DCC: variants seen among roughly 807,000 people sequenced by gnomAD.
DCC encodes the protein DCC netrin 1 receptor, also known as netrin receptor DCC.
Under a neutral mutation model 172.5 loss-of-function variants are expected in DCC, and 58 were observed. That is an observed-to-expected ratio of 0.34 (90% CI 0.27 to 0.42). The LOEUF (loss-of-function observed/expected upper bound fraction) is 0.42. Among genes scored for constraint, DCC ranks in the 10% least tolerant of loss-of-function variants. DCC has a pLI of 1.00. For missense variants in DCC, 1,740 were observed against 1,791.0 expected (o/e 0.97, Z 0.51); for synonymous variants, 709 against 644.5 (o/e 1.10, Z -1.52).
At chr18:53,327,906 T>A (rs535918078) in intron 14 of DCC, among the ~76,000 whole-genome samples, 2 of 152,304 alleles carry the variant, frequency 1.3e-5, no homozygotes, top group Admixed American at 6.5e-5. Flanking sequence ...TATGCTATGA[T>A]TTATGATAAT....
rs564832844 is a variant in DCC at position 53,457,182 on chromosome 18, G to A, written c.3393-2050G>A. ...GCAGAAAAATGCCTGTTCATTTTAT[G>A]AGGAACTACAATTTCTTCCCCAGTG... On this transcript the variant is annotated intron_variant, in intron 23 of 28. Coordinates refer to ENST00000442544, the MANE Select transcript of DCC (RefSeq NM_005215.4). Among the ~76,000 whole-genome samples, 136 of 152,302 alleles carry A rather than the reference G, an allele frequency of 8.9e-4. 1 individual carries two copies. The highest frequency in any genetic ancestry group is 6.8e-3 in the Middle Eastern group (2 of 294).
intron 1 of DCC, among the ~76,000 whole-genome samples, chr18:52,580,997 A>G (rs1161789242): frequency 6.6e-6 from 1 of 152,204 alleles, no homozygotes; most frequent in African/African-American, 2.4e-5. Flanking sequence ...GCTGTTATCA[A>G]TTCAACCACT....
At chr18:52,783,072 A>G (rs1437716649) in intron 2 of DCC, among the ~76,000 whole-genome samples, 1 of 152,088 alleles carries the variant, frequency 6.6e-6, no homozygotes, top group East Asian at 1.9e-4. Flanking sequence ...TGTGTATGTC[A>G]TAATGAAAAA....
intron 22 of DCC, among the ~76,000 whole-genome samples, chr18:53,439,912 C>A (rs940757155): frequency 1.3e-5 from 2 of 150,610 alleles, no homozygotes; most frequent in Admixed American, 1.3e-4. Context: ...CTACAGGCGC[C>A]CGCCACTACG....
intron 1 of DCC, among the ~76,000 whole-genome samples, chr18:52,641,715 A>T (rs1174392701): frequency 2.0e-5 from 3 of 152,050 alleles, no homozygotes; most frequent in Admixed American, 6.5e-5. Context: ...TAAAAAAAAC[A>T]GTAGATGGTG....
intron 1 of DCC, among the ~76,000 whole-genome samples, chr18:52,536,903 A>G (rs2032305885): frequency 1.3e-5 from 2 of 152,206 alleles, no homozygotes; most frequent in Non-Finnish European, 2.9e-5. Context: ...GTGGCCAATT[A>G]TATTCTTTCT....
At chr18:52,622,415 G>A (rs963934921) in intron 1 of DCC, among the ~76,000 whole-genome samples, 2 of 152,136 alleles carry the variant, frequency 1.3e-5, no homozygotes, top group Non-Finnish European at 2.9e-5. Flanking sequence ...TCGGTAGTCC[G>A]GACTGGGTCC....
At chr18:53,098,562 C>T (rs72917375) in intron 7 of DCC, among the ~76,000 whole-genome samples, 6,569 of 152,216 alleles carry the variant, frequency 0.043, 292 homozygotes, top group Admixed American at 0.13. Flanking sequence ...TTGAGTTGGG[C>T]TAGCACAGAA....
chr18:53,382,890 A>T (rs1043840672), intron 15 of DCC, among the ~76,000 whole-genome samples: 2 of 152,134 alleles, frequency 1.3e-5, no homozygotes, highest in African/African-American at 4.8e-5. Context: ...CTTAGGTCAC[A>T]TACAAATTTT....
At chr18:53,015,336 G>T (rs942171670) in intron 5 of DCC, among the ~76,000 whole-genome samples, 1 of 152,128 alleles carries the variant, frequency 6.6e-6, no homozygotes, top group African/African-American at 2.4e-5. Context: ...GCATTTAGCC[G>T]AATTAAACAT....
At chr18:52,710,117 G>C (rs894274123) in intron 1 of DCC, among the ~76,000 whole-genome samples, 1 of 152,204 alleles carries the variant, frequency 6.6e-6, no homozygotes, top group Non-Finnish European at 1.5e-5. Flanking sequence ...TTAGAGATAT[G>C]TGTAAGGATA....
intron 2 of DCC, among the ~76,000 whole-genome samples, chr18:52,784,915 AGAGAGAGAAGAGAAGGGGG>A (rs927090927): frequency 2.1e-5 from 3 of 142,382 alleles, no homozygotes; most frequent in African/African-American, 8.1e-5. Flanking sequence ...AGGGGGAGAG[AGAGAGAGAAGAGAAGGGGG>A]GAGAGAGAGA....
intron 19 of DCC, among the ~76,000 whole-genome samples, chr18:53,406,543 A>T (rs746585752): frequency 2.6e-4 from 40 of 152,130 alleles, no homozygotes; most frequent in African/African-American, 9.6e-4. Context: ...CGACTCTACT[A>T]AAATACAGAA....
At chr18:52,594,458 GC>G (rs1568246117) in intron 1 of DCC, among the ~76,000 whole-genome samples, 1 of 152,058 alleles carries the variant, frequency 6.6e-6, no homozygotes, top group East Asian at 1.9e-4. Flanking sequence ...GCCTTATACT[GC>G]CTATTGGAGA....
intron 1 of DCC, among the ~76,000 whole-genome samples, chr18:52,668,958 G>A (rs1568283355): frequency 6.6e-6 from 1 of 152,206 alleles, no homozygotes; most frequent in Admixed American, 6.5e-5. Flanking sequence ...CAAGACAGGG[G>A]AATTGTAATA....
chr18:52,759,112 C>G (rs1165693735), intron 2 of DCC: 1 of 152,016 alleles, frequency 6.6e-6, no homozygotes, highest in Non-Finnish European at 1.5e-5. Context: ...GTTTACTAGT[C>G]TTATCATTTT....
chr18:53,391,727 C>G lies in DCC; in HGVS notation c.2528C>G (p.Pro843Arg), dbSNP rs893327233. The change falls in exon 17 of 29, where the codon CCC (proline) becomes CGC (arginine). Residue 843 changes from proline (P) to arginine (R), a missense_variant. Transcript: ENST00000442544. The part of the protein sequence containing the change: ...FPTSVPDLST[P>R]MLPPVGVQAV... The stretch of plus-strand genomic sequence containing the variant: ...ACCTCGGTCCCAGATCTCTCCACCC[C>G]CATGCTCCCACCAGTAGGTGTACAG... 6.2e-7 allele frequency: 1 copy of G among 1,614,024 alleles called. No individual in the cohort carries two copies. Among genetic ancestry groups the G allele is most frequent in the Admixed American group, 1.7e-5 (1 of 60,002 alleles).
chr18:52,905,532 G>A (rs952835), intron 2 of DCC, among the ~76,000 whole-genome samples: 59,835 of 151,958 alleles, frequency 0.39, 12,353 homozygotes, highest in Non-Finnish European at 0.47. Flanking sequence ...ATAATTGGTG[G>A]TTCCTATCAT....
At chr18:52,818,418 TAAAA>T (rs55812629) in intron 2 of DCC, among the ~76,000 whole-genome samples, 168 of 97,094 alleles carry the variant, frequency 1.7e-3, no homozygotes, top group African/African-American at 5.6e-3. Flanking sequence ...TCTCAAAAAG[TAAAA>T]AAAAAAAAAA....
Sources: allele counts gnomAD v4.1 joint callset (sites outside exome capture counted in the v4.1 genomes callset), GRCh38; gene constraint gnomAD v4.1.1; transcripts MANE v1.5; gene names NCBI Gene and HGNC (gene_info 2026-07-23, HGNC 2026-07-21).